The following CPXM2 variants were observed in gnomAD, a reference collection of about 807,000 sequenced individuals.
CPXM2 encodes the protein inactive carboxypeptidase-like protein X2.
Under a neutral mutation model 86.1 loss-of-function variants are expected in CPXM2, and 66 were observed. The ratio of observed to expected loss-of-function variants is 0.77; its 90% CI spans 0.63 to 0.94. The LOEUF (loss-of-function observed/expected upper bound fraction) is 0.94, where lower values mean the gene tolerates loss of function less well. CPXM2 is among the 40% of genes least tolerant of loss of function. The probability of loss-of-function intolerance (pLI) is 0.00; values close to 1 mark genes in which losing one functional copy is unlikely to be tolerated. For missense variants in CPXM2, 948 were observed against 1,026.3 expected, an observed-to-expected ratio of 0.92 and a Z score of 1.04; for synonymous variants, 388 against 400.2, an observed-to-expected ratio of 0.97 and a Z score of 0.36.
Position 123,891,232 on chromosome 10 carries a change from G to C in CPXM2, c.304+124C>G, listed in dbSNP as rs769546556. 5.2e-5 allele frequency: 42 copies of C among 806,216 alleles called. No homozygotes were observed. Among genetic ancestry groups the C allele is most frequent in the Non-Finnish European group, 3.4e-5 (18 of 533,344 alleles). The allele number at this position is 806,216 out of a possible 1,614,324, so 49.9% of individuals were successfully genotyped here. ...ATACAGTCCCTAGGGAGGCAGAGGC[G>C]GCAACAGGGAGATTCCCGGGACTGG... On this transcript the variant is annotated intron_variant, in intron 1 of 13. Transcript: ENST00000241305. This position sits in a 1 kb window ranked among gnomAD's most constrained non-coding sequence, Gnocchi z 5.6.
At chr10:123,749,187 A>G (rs1052575447) in intron 13 of CPXM2, among the ~76,000 whole-genome samples, 2 of 151,766 alleles carry the variant, frequency 1.3e-5, no homozygotes, top group Non-Finnish European at 2.9e-5. Flanking sequence ...ACCAACAGCT[A>G]TTGTGGGGCG....
At position 123,784,826 on chromosome 10, in the gene CPXM2, G is replaced by A. The variant is rs542578288; in HGVS notation, c.890-4571C>T. Among the ~76,000 whole-genome samples the A allele has an allele frequency of 1.1e-4, 17 of 152,214 alleles. No individual in the cohort carries two copies. In the South Asian group the frequency reaches 2.9e-3, roughly 26 times the overall value. ...AGCTATGATGACTAAGCCTTCTCCC[G>A]TTCACGTACGATTGAGGCAGAAGAA... On this transcript the variant is annotated intron_variant, in intron 6 of 13. Coordinates refer to ENST00000241305, the MANE Select transcript of CPXM2 (RefSeq NM_198148.3).
upstream of CPXM2, among the ~76,000 whole-genome samples, chr10:123,943,680 C>T (rs1590134506): frequency 6.6e-6 from 1 of 152,228 alleles, no homozygotes; most frequent in East Asian, 1.9e-4. Flanking sequence ...TATGTGCCAA[C>T]TGGCTGGAGC....
In CPXM2 at chr10:123,768,615, T is replaced by A; in HGVS notation, c.1210A>T (p.Asn404Tyr). 1 of 1,613,962 alleles carries A rather than the reference T, an allele frequency of 6.2e-7. No homozygotes were observed. The highest frequency in any genetic ancestry group is 8.5e-7 in the Non-Finnish European group (1 of 1,179,968). ...TCCACCAGGTGGACGATGCGCGCAT[T>A]CCGGGCCAAGTACTCCTGACACACG... is the stretch of plus-strand genomic sequence containing the variant. ...QFVCQEYLARNARIVHLVEET... is the reference protein window; with the variant it reads ...QFVCQEYLARYARIVHLVEET... Residue 404 changes from asparagine (N) to tyrosine (Y), a missense_variant, in exon 9 of 14, where the codon AAT becomes TAT. Asn to Tyr is a moderately radical substitution (Grantham distance 143). Transcript: ENST00000241305.
chr10:123,762,308 G>A, intron 10 of CPXM2, 139 bp from the exon 11 acceptor site: 1 of 1,226,016 alleles, frequency 8.2e-7, no homozygotes, highest in Non-Finnish European at 1.1e-6. Context: ...AACCAATTCT[G>A]GGAAAATGTG....
chr10:123,850,098 T>C (rs1255097839), intron 3 of CPXM2, among the ~76,000 whole-genome samples: 2 of 152,236 alleles, frequency 1.3e-5, no homozygotes, highest in Admixed American at 6.5e-5. Context: ...ACCCAGACAA[T>C]TGCATGCAGT....
chr10:123,811,140 TTTC>T (rs1358173019), intron 4 of CPXM2, among the ~76,000 whole-genome samples: 15 of 114,876 alleles, frequency 1.3e-4, no homozygotes, highest in East Asian at 1.0e-3. Flanking sequence ...CATTTTTTTT[TTTC>T]TTTTTTCTTT....
intron 7 of CPXM2, among the ~76,000 whole-genome samples, chr10:123,779,857 A>G (rs1846892344): frequency 6.6e-6 from 1 of 152,152 alleles, no homozygotes; most frequent in African/African-American, 2.4e-5. Context: ...TCAACTCTGC[A>G]TATGACCAAC....
chr10:123,768,395 A>G lies in CPXM2; in HGVS notation c.1299+131T>C, dbSNP rs572620568. ...ACTCAAAAAATAAATAAATAAATAA[A>G]TAAATAAATAAATAAATAAATAAAT... On this transcript the variant is annotated intron_variant, in intron 9 of 13. Coordinates refer to ENST00000241305, the MANE Select transcript of CPXM2 (RefSeq NM_198148.3). The G allele has an allele frequency of 1.0e-3, 443 of 432,974 alleles. 4 individuals carry two copies. Among genetic ancestry groups the G allele is most frequent in the African/African-American group, 8.1e-3 (391 of 48,418 alleles). 26.8% of individuals were successfully genotyped at this position (432,974 alleles called of 1,614,324 possible).
At chr10:123,798,363 C>A (rs1328322493) in intron 5 of CPXM2, among the ~76,000 whole-genome samples, 1 of 151,788 alleles carries the variant, frequency 6.6e-6, no homozygotes, top group Non-Finnish European at 1.5e-5. Flanking sequence ...TAGAAAAAAT[C>A]TATCGGTGTC....
intron 4 of CPXM2, 117 bp downstream of exon 4, chr10:123,842,232 C>T (rs1848401302): frequency 3.7e-6 from 5 of 1,356,788 alleles, no homozygotes; most frequent in Non-Finnish European, 5.0e-6. Context: ...CAATTTTCTC[C>T]TCTTCTACTG....
intron 4 of CPXM2, among the ~76,000 whole-genome samples, chr10:123,815,410 G>A (rs1847793246): frequency 6.6e-6 from 1 of 152,200 alleles, no homozygotes; most frequent in Non-Finnish European, 1.5e-5. Flanking sequence ...GTTAAAGTGA[G>A]GGCATTCATT....
intron 4 of CPXM2, among the ~76,000 whole-genome samples, chr10:123,823,315 A>G (rs1020183341): frequency 2.0e-5 from 3 of 152,204 alleles, no homozygotes; most frequent in African/African-American, 7.2e-5. Flanking sequence ...AGGCCAGCAG[A>G]CACCAGATGG....
intron 2 of CPXM2, among the ~76,000 whole-genome samples, chr10:123,875,853 G>C (rs578206043): frequency 8.4e-6 from 1 of 118,796 alleles, no homozygotes; most frequent in South Asian, 2.6e-4. Context: ...GTCTCGCTCT[G>C]TCACCCAGGC....
intron 7 of CPXM2, chr10:123,777,744 C>A (rs1368508876): frequency 6.5e-6 from 1 of 152,706 alleles, no homozygotes; most frequent in East Asian, 1.9e-4. Context: ...ACAGCTGACC[C>A]CCTCTGCAAC....
At chr10:123,895,121 C>CTTTTTTTTTTTTTT (rs869104432), upstream of CPXM2, among the ~76,000 whole-genome samples, 16 of 85,892 alleles carry the variant, frequency 1.9e-4, no homozygotes, top group Non-Finnish European at 2.5e-4. Context: ...TCTTTTTTTT[C>CTTTTTTTTTTTTTT]TTTTTTTTTT....
At chr10:123,821,854 T>G (rs901119041) in intron 4 of CPXM2, among the ~76,000 whole-genome samples, 2 of 152,186 alleles carry the variant, frequency 1.3e-5, no homozygotes, top group Admixed American at 1.3e-4. Context: ...TCTAAACAAT[T>G]CAAATAACAA....
intron 4 of CPXM2, among the ~76,000 whole-genome samples, chr10:123,837,911 T>C (rs1334007168): frequency 6.6e-6 from 1 of 152,180 alleles, no homozygotes; most frequent in East Asian, 1.9e-4. Flanking sequence ...GCTTCATCTC[T>C]CCCATTTGTC....
At chr10:123,893,742 C>T (rs187496401), upstream of CPXM2, among the ~76,000 whole-genome samples, 9 of 151,654 alleles carry the variant, frequency 5.9e-5, no homozygotes, top group South Asian at 1.3e-3. Flanking sequence ...GCACTCCAGA[C>T]GACAACACAG....
Sources: allele counts gnomAD v4.1 joint callset (sites outside exome capture counted in the v4.1 genomes callset), GRCh38; gene constraint gnomAD v4.1.1; non-coding constraint Gnocchi (gnomAD v3.1); transcripts MANE v1.5; gene names NCBI Gene and HGNC (gene_info 2026-07-23, HGNC 2026-07-21).